Variants in CSMD1 observed in about 807,000 individuals in gnomAD.
CSMD1 encodes CUB and Sushi multiple domains 1.
Under a neutral mutation model 417.5 loss-of-function variants are expected in CSMD1, and 213 were observed. The ratio of observed to expected loss-of-function variants is 0.51; its 90% CI spans 0.46 to 0.57. CSMD1 has a LOEUF of 0.57. Among genes scored for constraint, CSMD1 ranks in the 20% least tolerant of loss-of-function variants. The pLI, the probability that CSMD1 is intolerant of heterozygous loss-of-function variation, is 0.00. For missense variants in CSMD1, 6,923 were observed against 4,529.7 expected, an observed-to-expected ratio of 1.53 and a Z score of -15.17; for synonymous variants, 2,862 against 1,736.8, an observed-to-expected ratio of 1.65 and a Z score of -16.11.
At chr8:3,443,660 T>C (rs1024483151) in intron 12 of CSMD1, among the ~76,000 whole-genome samples, 1 of 152,312 alleles carries the variant, frequency 6.6e-6, no homozygotes, top group East Asian at 1.9e-4. Context: ...ATGCAAATCT[T>C]TGTATATCAC....
Position 4,725,253 on chromosome 8 carries a change from G to A in CSMD1, c.86-87695C>T, listed in dbSNP as rs149930096. Among the ~76,000 whole-genome samples, 195 of 152,140 alleles carry A rather than the reference G, an allele frequency of 1.3e-3. 2 individuals carry two copies. Among genetic ancestry groups the A allele is most frequent in the African/African-American group, 4.6e-3 (189 of 41,514 alleles). ...TGTTTAGTATCACGAGCAAAGTATC[G>A]AACTTCATTGGTACATGAATGACCA... is the stretch of plus-strand genomic sequence containing the variant. On this transcript the variant is annotated intron_variant, in intron 1 of 69. Transcript: ENST00000635120.
intron 2 of CSMD1, among the ~76,000 whole-genome samples, chr8:4,463,711 C>T (rs934055630): frequency 6.6e-6 from 1 of 152,016 alleles, no homozygotes; most frequent in African/African-American, 2.4e-5. Context: ...TCCCTAGAGA[C>T]GAAAATAAAT....
intron 49 of CSMD1, among the ~76,000 whole-genome samples, chr8:3,082,305 G>A (rs139802906): frequency 2.6e-5 from 4 of 152,136 alleles, no homozygotes; most frequent in Non-Finnish European, 4.4e-5. Flanking sequence ...ACGGAGTCTC[G>A]TCAAGCAAGG....
intron 10 of CSMD1, among the ~76,000 whole-genome samples, chr8:3,518,208 A>G (rs562509389): frequency 4.6e-5 from 7 of 152,308 alleles, no homozygotes; most frequent in African/African-American, 1.4e-4. Context: ...ATGATTACTT[A>G]TTTTTTAATC....
chr8:3,539,939 T>C (rs1250820049), intron 10 of CSMD1, among the ~76,000 whole-genome samples: 2 of 152,216 alleles, frequency 1.3e-5, no homozygotes, highest in Non-Finnish European at 2.9e-5. Context: ...ATAACTTCTC[T>C]GTTTCCCATA....
intron 3 of CSMD1, among the ~76,000 whole-genome samples, chr8:4,386,714 A>G (rs912555341): frequency 1.3e-5 from 2 of 152,196 alleles, no homozygotes; most frequent in African/African-American, 2.4e-5. Context: ...TCCAGATGGT[A>G]AGGGATAGCT....
intron 3 of CSMD1, among the ~76,000 whole-genome samples, chr8:4,357,753 T>C (rs116400888): frequency 0.03 from 4,520 of 152,168 alleles, 228 homozygotes; most frequent in African/African-American, 0.1. Context: ...TAAAGGTATA[T>C]TGTAAAAGAA....
At chr8:3,493,216 C>T (rs1177345345) in intron 11 of CSMD1, among the ~76,000 whole-genome samples, 1 of 149,616 alleles carries the variant, frequency 6.7e-6, no homozygotes, top group Non-Finnish European at 1.5e-5. Flanking sequence ...ATTGCTTGAA[C>T]CCGGGAGGCG....
intron 8 of CSMD1, among the ~76,000 whole-genome samples, chr8:3,590,045 A>C (rs1800780360): frequency 6.6e-6 from 1 of 152,178 alleles, no homozygotes; most frequent in South Asian, 2.1e-4. Context: ...ATTTGAAAGA[A>C]TGCAACATCG....
chr8:4,892,829 G>A (rs1048529589), intron 1 of CSMD1, among the ~76,000 whole-genome samples: 4 of 152,134 alleles, frequency 2.6e-5, no homozygotes, highest in South Asian at 2.1e-4. Context: ...CTACTCCATA[G>A]TATAAACACA....
chr8:4,425,991 G>C (rs1055811670), intron 2 of CSMD1, among the ~76,000 whole-genome samples: 5 of 151,640 alleles, frequency 3.3e-5, no homozygotes, highest in Non-Finnish European at 5.9e-5. Context: ...AAATTAAAGA[G>C]GTATACATTA....
At chr8:4,447,045 G>A (rs190715219) in intron 2 of CSMD1, among the ~76,000 whole-genome samples, 62 of 152,186 alleles carry the variant, frequency 4.1e-4, no homozygotes, top group African/African-American at 1.3e-3. Flanking sequence ...AGGATCATCA[G>A]CCTGTGTCAG....
At chr8:3,849,408 G>A (rs1803729651) in intron 5 of CSMD1, among the ~76,000 whole-genome samples, 1 of 152,260 alleles carries the variant, frequency 6.6e-6, no homozygotes, top group East Asian at 1.9e-4. Context: ...ACGGACGAAA[G>A]GGAGTCCTTG....
chr8:4,872,921 G>A (rs1802818078), intron 1 of CSMD1, among the ~76,000 whole-genome samples: 1 of 151,990 alleles, frequency 6.6e-6, no homozygotes, highest in South Asian at 2.1e-4. Flanking sequence ...TTTGACATAT[G>A]TTTTATTTTA....
chr8:3,963,090 C>G lies in CSMD1; in HGVS notation c.818+34813G>C, dbSNP rs187881730. On this transcript the variant is annotated intron_variant, in intron 5 of 69. Coordinates refer to ENST00000635120, the MANE Select transcript of CSMD1 (RefSeq NM_033225.6). The stretch of plus-strand genomic sequence containing the variant: ...AGATTACAGGTATGCACAACCACGT[C>G]TGGCTAATTTTTGTGTTTTTTAGTA... Among the ~76,000 whole-genome samples, 49 of 152,212 alleles carry G rather than the reference C, an allele frequency of 3.2e-4. No individual in the cohort carries two copies. In the Middle Eastern group the frequency reaches 0.01, roughly 32 times the overall value.
At chr8:3,446,314 T>A (rs550919519) in intron 12 of CSMD1, among the ~76,000 whole-genome samples, 92 of 152,330 alleles carry the variant, frequency 6.0e-4, no homozygotes, top group African/African-American at 2.0e-3. Context: ...CCTTTTCAGA[T>A]CATTTTCCAT....
chr8:4,395,208 A>T (rs1456596062), intron 3 of CSMD1, among the ~76,000 whole-genome samples: 1 of 152,198 alleles, frequency 6.6e-6, no homozygotes. Context: ...AGAACATCAG[A>T]CATCTGGCTG....
intron 1 of CSMD1, among the ~76,000 whole-genome samples, chr8:4,817,552 T>C (rs1160683232): frequency 6.6e-6 from 1 of 152,238 alleles, no homozygotes; most frequent in African/African-American, 2.4e-5. Flanking sequence ...GGTTTCCTTT[T>C]CAAAGTAAAA....
At chr8:3,781,275 C>T (rs922914937) in intron 5 of CSMD1, among the ~76,000 whole-genome samples, 20 of 152,014 alleles carry the variant, frequency 1.3e-4, no homozygotes, top group African/African-American at 3.9e-4. Context: ...GAGTACATGC[C>T]GAGAGAATAT....
Sources: allele counts gnomAD v4.1 joint callset (sites outside exome capture counted in the v4.1 genomes callset), GRCh38; gene constraint gnomAD v4.1.1; transcripts MANE v1.5; gene names NCBI Gene and HGNC (gene_info 2026-07-23, HGNC 2026-07-21).